The following PLXNB3 variants were observed in gnomAD, a reference collection of about 807,000 sequenced individuals.
The protein encoded by PLXNB3 is plexin-B3.
Under a neutral mutation model 125.7 loss-of-function variants are expected in PLXNB3, and 80 were observed. The ratio of observed to expected loss-of-function variants is 0.64; its 90% confidence interval spans 0.53 to 0.77. PLXNB3 has a LOEUF of 0.77. Ranked by LOEUF, PLXNB3 falls within the 30% of genes least tolerant of loss-of-function variation. PLXNB3 has a pLI of 0.00. For synonymous variants in PLXNB3, 954 were observed against 783.3 expected, an observed-to-expected ratio of 1.22 and a Z score of -3.64; for missense variants, 1,836 against 1,729.3, an observed-to-expected ratio of 1.06 and a Z score of -1.09.
At chrX:153,774,657 G>A in intron 22 of PLXNB3, 49 bp from the exon 23 acceptor site, 1 of 1,150,535 alleles carries the variant, frequency 8.7e-7, no homozygotes, top group South Asian at 2.1e-5. Flanking sequence ...CCCGGCCCTG[G>A]CTGATGCTGG....
At position 153,771,093 on chromosome X, in the gene PLXNB3, C is replaced by T. The variant is rs782158762; in HGVS notation, c.2253+12C>T. 2.2e-5 allele frequency: 25 copies of T among 1,159,797 alleles called. No homozygotes were observed. The highest frequency in any genetic ancestry group is 2.8e-5 in the Non-Finnish European group (24 of 852,005). ...GCCAGGCCCACCAGGTGAGTGGCTG[C>T]CTTCCAAACCCTCTTGCCCCCAAGC... On this transcript the variant is annotated intron_variant, in intron 12 of 35. Coordinates refer to ENST00000361971, the MANE Select transcript of PLXNB3 (RefSeq NM_005393.3).
rs200331696 is a variant in PLXNB3, at chrX:153,774,995, G to A, written c.4047G>A (p.Pro1349=). ...TCTTCCCTGGCCATGGCGGTTGCCC[G>A]CTGCAGCCCAAGCCTGAGGGGCCAG... ...RAFFPGHGGC[P]LQPKPEGPGE... The change falls in exon 24 of 36, where the codon CCG becomes CCA. Residue 1349 remains proline (P), a synonymous_variant. Transcript: ENST00000361971. 1.3e-4 allele frequency: 155 copies of A among 1,201,543 alleles called. No individual in the cohort carries two copies. Among genetic ancestry groups the A allele is most frequent in the East Asian group, 6.5e-4 (22 of 33,667 alleles).
chrX:153,769,349 G>T (rs1056703036), intron 6 of PLXNB3, 87 bp downstream of exon 6: 18 of 758,957 alleles, frequency 2.4e-5, no homozygotes, highest in Non-Finnish European at 3.5e-5. Context: ...GGCGTGCCGG[G>T]AGGCCAACCC....
At position 153,774,587 on chromosome X, in the gene PLXNB3, C is replaced by T. The variant is rs1358852734; in HGVS notation, c.3830+16C>T. 2.5e-6 allele frequency: 3 copies of T among 1,181,710 alleles called. No individual in the cohort carries two copies. The highest frequency in any genetic ancestry group is 3.4e-6 in the Non-Finnish European group (3 of 878,598). ...TCATGTACAGGTGAGACCCGCCCAC[C>T]CCCAGCACACTTCCCTCCTCGCCAT... On this transcript the variant is annotated intron_variant, in intron 22 of 35. Transcript: ENST00000361971.
In PLXNB3 at chrX:153,765,672, G is replaced by A. The variant is rs937857409; in HGVS notation, c.45+92G>A. ...TGGCCAGGCCCAGGACATACAGGCTGCAGCCTCCCTCATGGCAGACACTGC... is the reference window on the plus strand; with the variant it reads ...TGGCCAGGCCCAGGACATACAGGCTACAGCCTCCCTCATGGCAGACACTGC... On this transcript the variant is annotated intron_variant, in intron 2 of 35. Coordinates refer to ENST00000361971, the MANE Select transcript of PLXNB3 (RefSeq NM_005393.3). The A allele has an allele frequency of 1.6e-5, 18 of 1,159,580 alleles. No individual in the cohort carries two copies. The Admixed American group carries it at 4.4e-4, about 28-fold the overall frequency.
intron 2 of PLXNB3, chrX:153,766,237 G>A (rs1557059114): frequency 1.7e-6 from 2 of 1,165,961 alleles, no homozygotes; most frequent in Non-Finnish European, 2.3e-6. Flanking sequence ...CCTCTTCGCT[G>A]ACTTGCTCCT....
chrX:153,776,279 C>T (rs2091984723), intron 27 of PLXNB3, 65 bp downstream of exon 27: 1 of 1,065,551 alleles, frequency 9.4e-7, no homozygotes, highest in African/African-American at 1.9e-5. Context: ...CACCTGGAGC[C>T]CCTCAACTGT....
rs782796672 is a variant in PLXNB3 at position 153,772,014 on chromosome X, C to T, written c.2668C>T (p.Arg890Trp). The T allele has an allele frequency of 1.7e-6, 2 of 1,185,580 alleles. No individual in the cohort carries two copies. The highest frequency in any genetic ancestry group is 1.9e-5 in the South Asian group (1 of 53,069). The change falls in exon 15 of 36, where the codon CGG (arginine) becomes TGG (tryptophan). Residue 890 changes from arginine to tryptophan, a missense_variant and splice_region_variant. Physicochemically the swap from Arg to Trp is moderately radical, Grantham distance 101. Coordinates refer to ENST00000361971, the MANE Select transcript of PLXNB3 (RefSeq NM_005393.3). The part of the protein sequence containing the change: ...PEPSLYRTSA[R>W]IVCVTSPAPN... ...GCCCTCTCTCTACCGCACGTCGGCC[C>T]GGTGAGGCACTTGGAGGGTGAAGAT...
rs782791722 is a variant in PLXNB3 at position 153,776,201 on chromosome X, T to C, written c.4716T>C (p.His1572=). The C allele has an allele frequency of 4.2e-6, 5 of 1,179,713 alleles. No individual in the cohort carries two copies. Among genetic ancestry groups the C allele is most frequent in the Non-Finnish European group, 5.7e-6 (5 of 878,654 alleles). Residue 1572 remains histidine, a synonymous_variant, in exon 27 of 36, where the codon CAT becomes CAC. Coordinates refer to ENST00000361971, the MANE Select transcript of PLXNB3 (RefSeq NM_005393.3). ...GTPFSQRPSV[H]ALDLEWRSGL... Reference sequence around the variant, plus strand: ...CCTTCTCCCAGAGGCCCTCAGTGCATGCCCTAGACCTTGGTGAGAGAGCCA... The same window carrying C: ...CCTTCTCCCAGAGGCCCTCAGTGCACGCCCTAGACCTTGGTGAGAGAGCCA...
chrX:153,766,494 C>G, intron 2 of PLXNB3: 1 of 1,032,702 alleles, frequency 9.7e-7, no homozygotes, highest in Non-Finnish European at 1.2e-6. Context: ...CTCTCTCCAT[C>G]CCTGCCCCCT....
At position 153,779,006 on chromosome X, in the gene PLXNB3, C is replaced by T. The variant is rs147793368; in HGVS notation, c.5697C>T (p.Ala1899=). Residue 1899 remains alanine, a synonymous_variant, in exon 36 of 36, where the codon GCC becomes GCT. Coordinates refer to ENST00000361971, the MANE Select transcript of PLXNB3 (RefSeq NM_005393.3). ...TGGCCTGCCGCCTGCAGCAGGTCGC[C>T]GCCCTGGTGGAAAACAAAGTGACTG... is the stretch of plus-strand genomic sequence containing the variant. ...LQLACRLQQV[A]ALVENKVTDL 4.8e-5 allele frequency: 57 copies of T among 1,195,197 alleles called. No individual in the cohort carries two copies. Among genetic ancestry groups the T allele is most frequent in the East Asian group, 6.0e-5 (2 of 33,377 alleles).
chrX:153,765,589 C>T lies in PLXNB3; in HGVS notation c.45+9C>T. 8.4e-7 allele frequency: 1 copy of T among 1,188,772 alleles called. No individual in the cohort carries two copies. The highest frequency in any genetic ancestry group is 1.9e-5 in the South Asian group (1 of 53,919). ...TGCTGCACCACTTCATGGTAAGTGC[C>T]CAGGCCCGGTGTCCCCAGAAATGTT... On this transcript the variant is annotated intron_variant, in intron 2 of 35. Coordinates refer to ENST00000361971, the MANE Select transcript of PLXNB3 (RefSeq NM_005393.3).
intron 11 of PLXNB3, 36 bp from the exon 12 acceptor site, chrX:153,770,929 C>T: frequency 6.6e-6 from 8 of 1,205,828 alleles, no homozygotes; most frequent in Non-Finnish European, 9.0e-6. Flanking sequence ...GGTCTGCCAA[C>T]AGCGTGTCCA....
rs200987327 is a variant in PLXNB3, at chrX:153,765,486, C to A, written c.-50C>A. On this transcript the variant is annotated 5_prime_UTR_variant, in exon 2 of 36. Coordinates refer to ENST00000361971, the MANE Select transcript of PLXNB3 (RefSeq NM_005393.3). ...TCCCACTCAGGACAATGCCCCCCCG[C>A]AGCCATCTCATGCCCATCGCCACTG... The A allele has an allele frequency of 6.9e-6, 8 of 1,162,822 alleles. No homozygotes were observed. In the East Asian group the frequency reaches 2.6e-4, roughly 37 times the overall value.
chrX:153,765,375 C>G, intron 1 of PLXNB3, 96 bp from the exon 2 acceptor site: 6 of 627,886 alleles, frequency 9.6e-6, no homozygotes, highest in South Asian at 8.4e-5. Flanking sequence ...TGAGGGAGCC[C>G]GGTCGCTAGG....
At chrX:153,777,173 G>T (rs1557064710) in intron 29 of PLXNB3, 35 bp from the exon 30 acceptor site, 6 of 1,119,396 alleles carry the variant, frequency 5.4e-6, no homozygotes, top group Non-Finnish European at 7.1e-6. Flanking sequence ...AGGGGCAGGG[G>T]GTATAGCCCT....
Position 153,779,318 on chromosome X carries a change from A to C in PLXNB3, c.*279A>C, listed in dbSNP as rs1557065748. 4.1e-6 allele frequency: 1 copy of C among 245,121 alleles called. No homozygotes were observed. Among genetic ancestry groups the C allele is most frequent in the Non-Finnish European group, 7.3e-6 (1 of 137,897 alleles). 20.2% of individuals were successfully genotyped at this position (245,121 alleles called of 1,213,427 possible). A position where few individuals can be genotyped will look rare whatever the true frequency, so the allele number is the denominator to read the frequency against. On this transcript the variant is annotated 3_prime_UTR_variant, in exon 36 of 36. Coordinates refer to ENST00000361971, the MANE Select transcript of PLXNB3 (RefSeq NM_005393.3). ...CTGGAAAATCACATCCGGAAATAAA[A>C]TAGAAATATGTCTTTTTATTTTATT...
At chrX:153,775,683 C>T (rs1378781557) in intron 26 of PLXNB3, 23 bp downstream of exon 26, 2 of 1,191,728 alleles carry the variant, frequency 1.7e-6, no homozygotes, top group Non-Finnish European at 1.1e-6. Context: ...GTCCCGCCTG[C>T]TCCCAGCCCT....
Position 153,772,284 on chromosome X carries a change from C to T in PLXNB3, c.2772C>T (p.Tyr924=), listed in dbSNP as rs782118511. 8.4e-7 allele frequency: 1 copy of T among 1,188,901 alleles called. No individual in the cohort carries two copies. Among genetic ancestry groups the T allele is most frequent in the South Asian group, 1.8e-5 (1 of 55,842 alleles). ...GCATCTCAAGCCAGCACTTCACCTA[C>T]CAGGTCAGTGGCCTCCCAGGTGTGC... ...PPGISSQHFT[Y]QDPVLLSLSP... The change falls in exon 16 of 36, where the codon TAC becomes TAT. Residue 924 remains tyrosine (Y), a synonymous_variant. Transcript: ENST00000361971.
Sources: allele counts gnomAD v4.1 joint callset, GRCh38; gene constraint gnomAD v4.1.1; transcripts MANE v1.5; gene names NCBI Gene and HGNC (gene_info 2026-07-23, HGNC 2026-07-21).